The following RPS6KC1 variants were observed in gnomAD, a reference collection of about 807,000 sequenced individuals.
RPS6KC1 encodes the protein ribosomal protein S6 kinase C1.
In RPS6KC1, 54 loss-of-function variants were observed where a neutral mutation model predicts 103.8. The observed-to-expected ratio is 0.52, with a 90% CI of 0.42 to 0.65. RPS6KC1 has a LOEUF of 0.65. Among genes scored for constraint, RPS6KC1 ranks in the 30% least tolerant of loss-of-function variants. RPS6KC1 has a pLI of 0.00. For synonymous variants in RPS6KC1, 439 were observed against 438.7 expected, an observed-to-expected ratio of 1.00 and a Z score of -0.01; for missense variants, 1,151 against 1,253.8, an observed-to-expected ratio of 0.92 and a Z score of 1.24.
the RPS6KC1 span, among the ~76,000 whole-genome samples, chr1:213,529,713 A>T: frequency 1.3e-5 from 2 of 152,232 alleles, no homozygotes; most frequent in Non-Finnish European, 2.9e-5. Context: ...GGATGCAGGC[A>T]TCTTGACTCC....
chr1:213,392,307 G>C, the RPS6KC1 span, among the ~76,000 whole-genome samples: 1 of 152,046 alleles, frequency 6.6e-6, no homozygotes, highest in East Asian at 1.9e-4. Flanking sequence ...GGGAAGGCAG[G>C]AGAAATAGTA....
the RPS6KC1 span, among the ~76,000 whole-genome samples, chr1:213,368,880 G>A: frequency 9.2e-4 from 140 of 152,322 alleles, no homozygotes; most frequent in Non-Finnish European, 1.6e-3. Context: ...CGGTTTTTAT[G>A]TGCAAGATGA....
the RPS6KC1 span, among the ~76,000 whole-genome samples, chr1:213,355,598 T>A: frequency 1.3e-5 from 2 of 152,198 alleles, no homozygotes; most frequent in Admixed American, 6.5e-5. Flanking sequence ...ACTGTATTTT[T>A]AAAAAAATTA....
chr1:213,710,495 G>A, the RPS6KC1 span, among the ~76,000 whole-genome samples: 2 of 151,996 alleles, frequency 1.3e-5, no homozygotes, highest in Admixed American at 6.6e-5. Flanking sequence ...CTTTTAATTG[G>A]GGCATTTAGT....
At chr1:213,860,221 A>T in the RPS6KC1 span, among the ~76,000 whole-genome samples, 1 of 151,300 alleles carries the variant, frequency 6.6e-6, no homozygotes, top group Non-Finnish European at 1.5e-5. Context: ...TCTTAATTTT[A>T]TTATATTATT....
intron 4 of RPS6KC1, among the ~76,000 whole-genome samples, chr1:213,107,748 C>T (rs181036764): frequency 6.6e-6 from 1 of 152,238 alleles, no homozygotes; most frequent in East Asian, 1.9e-4. Flanking sequence ...CGGAAAATAG[C>T]CAGTAATGTT....
At chr1:213,640,096 TA>T in the RPS6KC1 span, among the ~76,000 whole-genome samples, 13 of 152,088 alleles carry the variant, frequency 8.5e-5, no homozygotes, top group Admixed American at 8.5e-4. Context: ...TTGGGTTATC[TA>T]CTGTTATCTA....
At chr1:213,622,635 C>T in the RPS6KC1 span, among the ~76,000 whole-genome samples, 1 of 152,076 alleles carries the variant, frequency 6.6e-6, no homozygotes, top group East Asian at 1.9e-4. Flanking sequence ...CCCCTGCAGT[C>T]GGCTGCACGT....
the RPS6KC1 span, among the ~76,000 whole-genome samples, chr1:213,797,876 G>A: frequency 1.3e-5 from 2 of 152,204 alleles, no homozygotes; most frequent in Admixed American, 1.3e-4. Flanking sequence ...CAGAACACAA[G>A]AAAGGCTGAA....
rs190479118 is a variant in RPS6KC1, at chr1:213,149,743, G to A, written c.836-18115G>A. 2.0e-3 allele frequency among the ~76,000 whole-genome samples: 299 copies of A among 152,272 alleles called. 1 individual carries two copies. Among genetic ancestry groups the A allele is most frequent in the African/African-American group, 6.8e-3 (284 of 41,554 alleles). ...AGATCTGTCCAATGCAGAAAGTGGG[G>A]TGAAGTCTCCAGCTATTATTAGATT... On this transcript the variant is annotated intron_variant, in intron 6 of 14. Transcript: ENST00000366960.
chr1:213,802,270 A>G, the RPS6KC1 span, among the ~76,000 whole-genome samples: 2 of 152,352 alleles, frequency 1.3e-5, no homozygotes, highest in East Asian at 3.9e-4. Context: ...ATTCAGCTCA[A>G]TTTAACTGCT....
the RPS6KC1 span, among the ~76,000 whole-genome samples, chr1:213,520,762 G>C: frequency 6.6e-6 from 1 of 152,128 alleles, no homozygotes. Context: ...ACAAACCTAG[G>C]GATTCATTTA....
chr1:213,764,590 C>T, the RPS6KC1 span, among the ~76,000 whole-genome samples: 1 of 152,210 alleles, frequency 6.6e-6, no homozygotes, highest in Non-Finnish European at 1.5e-5. Context: ...TGATACCATT[C>T]CAGCTGGCAT....
the RPS6KC1 span, among the ~76,000 whole-genome samples, chr1:213,846,778 C>T: frequency 6.6e-6 from 1 of 152,106 alleles, no homozygotes; most frequent in Non-Finnish European, 1.5e-5. Context: ...TCAATCGTCT[C>T]AATAATGATG....
At chr1:213,408,954 C>A in the RPS6KC1 span, among the ~76,000 whole-genome samples, 1 of 152,076 alleles carries the variant, frequency 6.6e-6, no homozygotes, top group Non-Finnish European at 1.5e-5. Context: ...TTTGGTGTAT[C>A]CCCTCATAGC....
chr1:213,751,864 C>T, the RPS6KC1 span, among the ~76,000 whole-genome samples: 1 of 152,094 alleles, frequency 6.6e-6, no homozygotes, highest in Non-Finnish European at 1.5e-5. Context: ...TTACTAAATG[C>T]TCAATAAGTG....
At chr1:213,154,764 A>T (rs2089677325) in intron 6 of RPS6KC1, among the ~76,000 whole-genome samples, 1 of 152,190 alleles carries the variant, frequency 6.6e-6, no homozygotes, top group South Asian at 2.1e-4. Context: ...CCTTGCTGGT[A>T]TCTAAGGTAC....
At chr1:213,183,619 A>G (rs1011095283) in intron 8 of RPS6KC1, among the ~76,000 whole-genome samples, 4 of 152,166 alleles carry the variant, frequency 2.6e-5, no homozygotes, top group Admixed American at 6.5e-5. Flanking sequence ...CAAAAGCAGA[A>G]CATACCAGAA....
At chr1:213,118,498 A>G (rs1298350480) in intron 5 of RPS6KC1, among the ~76,000 whole-genome samples, 1 of 152,168 alleles carries the variant, frequency 6.6e-6, no homozygotes, top group East Asian at 1.9e-4. Flanking sequence ...TGAGGTAGCC[A>G]TCATCTCATT....
Sources: gnomAD v4.1 joint callset for allele counts (sites outside exome capture counted in the v4.1 genomes callset) on GRCh38, gnomAD v4.1.1 for gene constraint, MANE v1.5 for transcripts, NCBI Gene and HGNC (gene_info 2026-07-23, HGNC 2026-07-21) for gene names.